Variants in AGMO observed in about 807,000 individuals in gnomAD.
The protein encoded by AGMO is glyceryl-ether monooxygenase.
AGMO carries 75 observed loss-of-function variants against 60.2 expected under a neutral mutation model. The observed-to-expected ratio is 1.25, with a 90% CI of 1.03 to 1.51. The LOEUF (loss-of-function observed/expected upper bound fraction) is 1.51. Among genes scored for constraint, AGMO ranks in the 40% most tolerant of loss-of-function variants. The pLI is 0.00. For synonymous variants in AGMO, 261 were observed against 177.1 expected, an observed-to-expected ratio of 1.47 and a Z score of -3.76; for missense variants, 763 against 525.5, an observed-to-expected ratio of 1.45 and a Z score of -4.42.
intron 12 of AGMO, among the ~76,000 whole-genome samples, chr7:15,288,789 A>G (rs562496461): frequency 3.1e-4 from 47 of 151,366 alleles, no homozygotes; most frequent in Admixed American, 9.2e-4. Flanking sequence ...AAGAAAAACT[A>G]TGCATGGAGA....
chr7:15,463,999 C>T lies in AGMO; in HGVS notation c.410-32891G>A, dbSNP rs554554005. 2.6e-5 allele frequency among the ~76,000 whole-genome samples: 4 copies of T among 152,258 alleles called. No homozygotes were observed. The South Asian group carries it at 8.3e-4, about 32-fold the overall frequency. On this transcript the variant is annotated intron_variant, in intron 3 of 12. Coordinates refer to ENST00000342526, the MANE Select transcript of AGMO (RefSeq NM_001004320.2). ...GAAATTTTGAGCATAATTTGGCATA[C>T]TGAATCATGAGAAAGTTATTGACCA...
intron 12 of AGMO, among the ~76,000 whole-genome samples, chr7:15,310,689 T>C (rs186732515): frequency 1.6e-3 from 241 of 152,332 alleles, no homozygotes; most frequent in African/African-American, 5.6e-3. Flanking sequence ...TATTATCCTA[T>C]TGCTGCTGTT....
chr7:15,532,081 T>A (rs989356810), intron 3 of AGMO, among the ~76,000 whole-genome samples: 1 of 152,186 alleles, frequency 6.6e-6, no homozygotes, highest in African/African-American at 2.4e-5. Flanking sequence ...ACTGCAATAC[T>A]GTATGTTGAG....
intron 12 of AGMO, chr7:15,306,569 TGTA>T: frequency 1.8e-5 from 6 of 330,218 alleles, no homozygotes; most frequent in Admixed American, 4.9e-5. Context: ...AATATGACTG[TGTA>T]AAAAAAAAAA....
chr7:15,245,368 T>A (rs538706979), intron 12 of AGMO, among the ~76,000 whole-genome samples: 2 of 152,280 alleles, frequency 1.3e-5, no homozygotes, highest in African/African-American at 4.8e-5. Flanking sequence ...AAGGATAGTC[T>A]AAATTAGAGC....
intron 12 of AGMO, among the ~76,000 whole-genome samples, chr7:15,341,743 G>A (rs1340016032): frequency 3.3e-5 from 5 of 152,066 alleles, no homozygotes; most frequent in African/African-American, 9.7e-5. Flanking sequence ...AGGTTTAATG[G>A]ACTCACAGTT....
intron 12 of AGMO, among the ~76,000 whole-genome samples, chr7:15,331,767 A>C (rs1220478575): frequency 6.6e-6 from 1 of 152,084 alleles, no homozygotes; most frequent in African/African-American, 2.4e-5. Context: ...TCTCTACTAA[A>C]AATATAAAAT....
chr7:15,273,638 G>C (rs1783684625), intron 12 of AGMO, among the ~76,000 whole-genome samples: 1 of 152,254 alleles, frequency 6.6e-6, no homozygotes, highest in Admixed American at 6.5e-5. Context: ...CTTTAAAGTA[G>C]TTTTTTCCAA....
At chr7:15,445,690 C>A (rs1016809240) in intron 3 of AGMO, among the ~76,000 whole-genome samples, 2 of 152,028 alleles carry the variant, frequency 1.3e-5, no homozygotes, top group East Asian at 1.9e-4. Flanking sequence ...CATAAAAAAA[C>A]AAAGAATATG....
At chr7:15,414,777 G>A (rs901140260) in intron 5 of AGMO, among the ~76,000 whole-genome samples, 2 of 152,118 alleles carry the variant, frequency 1.3e-5, no homozygotes, top group African/African-American at 2.4e-5. Flanking sequence ...AATAAATTGA[G>A]GAACTGACAT....
chr7:15,339,544 TTA>T (rs1781767437), intron 12 of AGMO, among the ~76,000 whole-genome samples: 1 of 152,188 alleles, frequency 6.6e-6, no homozygotes, highest in African/African-American at 2.4e-5. Flanking sequence ...ATTTGCAACA[TTA>T]TATGTCAGAA....
At chr7:15,387,261 AG>A in intron 9 of AGMO, 144 bp downstream of exon 9, 1 of 888,580 alleles carries the variant, frequency 1.1e-6, no homozygotes, top group Non-Finnish European at 1.7e-6. Context: ...ATACTCATTA[AG>A]TAAGTTATGC....
At chr7:15,186,785 G>A in the AGMO span, among the ~76,000 whole-genome samples, 1 of 152,020 alleles carries the variant, frequency 6.6e-6, no homozygotes, top group South Asian at 2.1e-4. Context: ...TGCCGCCACC[G>A]CCCCCACATG....
At chr7:15,325,742 T>A (rs546685132) in intron 12 of AGMO, among the ~76,000 whole-genome samples, 2 of 152,294 alleles carry the variant, frequency 1.3e-5, no homozygotes, top group East Asian at 3.9e-4. Flanking sequence ...TCATCCAAAT[T>A]TTGTCATCCA....
At chr7:15,423,050 A>G (rs997317401) in intron 4 of AGMO, among the ~76,000 whole-genome samples, 3 of 152,114 alleles carry the variant, frequency 2.0e-5, no homozygotes, top group Non-Finnish European at 4.4e-5. Context: ...TTACTTTTAA[A>G]TAAATGAAAA....
At chr7:15,320,303 G>C (rs1189230302) in intron 12 of AGMO, among the ~76,000 whole-genome samples, 1 of 151,614 alleles carries the variant, frequency 6.6e-6, no homozygotes, top group African/African-American at 2.4e-5. Flanking sequence ...AAAATATAAT[G>C]TATCCTAATG....
At chr7:15,554,783 G>A (rs1785077162) in intron 2 of AGMO, among the ~76,000 whole-genome samples, 1 of 151,956 alleles carries the variant, frequency 6.6e-6, no homozygotes, top group African/African-American at 2.4e-5. Flanking sequence ...AGAAATAAAT[G>A]TTATTTGGGG....
rs188418668 is a variant in AGMO, at chr7:15,503,632, T to G, written c.409+41140A>C. 1.6e-4 allele frequency among the ~76,000 whole-genome samples: 24 copies of G among 152,206 alleles called. No homozygotes were observed. The East Asian group carries it at 4.6e-3, about 29-fold the overall frequency. ...GCAGAAGAAATAACTGGCGTCCATT[T>G]GTCTGTATTCCATTCATCTTTAAAC... On this transcript the variant is annotated intron_variant, in intron 3 of 12. Transcript: ENST00000342526.
intron 3 of AGMO, among the ~76,000 whole-genome samples, chr7:15,471,864 T>C (rs573126768): frequency 3.9e-5 from 6 of 151,908 alleles, no homozygotes; most frequent in Non-Finnish European, 5.9e-5. Flanking sequence ...ACAAATGGGA[T>C]TGCAAATCTC....
Sources: gnomAD v4.1 joint callset for allele counts (sites outside exome capture counted in the v4.1 genomes callset) on GRCh38, gnomAD v4.1.1 for gene constraint, MANE v1.5 for transcripts, NCBI Gene and HGNC (gene_info 2026-07-23, HGNC 2026-07-21) for gene names.